ADGRV1: variants seen among roughly 807,000 people sequenced by gnomAD.
ADGRV1 encodes the protein G-protein coupled receptor 98.
Under a neutral mutation model 596.2 loss-of-function variants are expected in ADGRV1, and 359 were observed. The ratio of observed to expected loss-of-function variants is 0.60; its 90% CI spans 0.55 to 0.66. The LOEUF (loss-of-function observed/expected upper bound fraction) is 0.66. Ranked by LOEUF, ADGRV1 falls within the 30% of genes least tolerant of loss-of-function variation. ADGRV1 has a pLI of 0.00. For synonymous variants in ADGRV1, 2,681 were observed against 2,679.2 expected, an observed-to-expected ratio of 1.00 and a Z score of -0.02; for missense variants, 7,274 against 7,575.6, an observed-to-expected ratio of 0.96 and a Z score of 1.48.
intron 83 of ADGRV1, among the ~76,000 whole-genome samples, chr5:90,881,284 G>T (rs1769741918): frequency 6.6e-6 from 1 of 152,140 alleles, no homozygotes; most frequent in Admixed American, 6.6e-5. Context: ...ATTATTTCTG[G>T]CTTAATCAAA....
In ADGRV1 at chr5:90,756,965, T is replaced by C; in HGVS notation, c.11758-14T>C. 1 of 1,562,166 alleles carries C rather than the reference T, an allele frequency of 6.4e-7. No homozygotes were observed. ...CATTTTATCTTGCCTTTCAATTATATTCTTTACTTAAAGGGCGCTGGGGAA... is the reference window on the plus strand; with the variant it reads ...CATTTTATCTTGCCTTTCAATTATACTCTTTACTTAAAGGGCGCTGGGGAA... On this transcript the variant is annotated splice_polypyrimidine_tract_variant and intron_variant, in intron 56 of 89. Coordinates refer to ENST00000405460, the MANE Select transcript of ADGRV1 (RefSeq NM_032119.4).
rs977541956 is a variant in ADGRV1 at position 91,017,071 on chromosome 5, C to T, written c.18152+31549C>T. Among the ~76,000 whole-genome samples the T allele has an allele frequency of 1.1e-4, 17 of 151,900 alleles. 1 individual carries two copies. On this transcript the variant is annotated intron_variant, in intron 85 of 89. Transcript: ENST00000405460. ...GTACCAAGCAGTCCACAAGAATTGACACACATTTCAAACATGACTTACTAC... is the reference window on the plus strand; with the variant it reads ...GTACCAAGCAGTCCACAAGAATTGATACACATTTCAAACATGACTTACTAC...
chr5:91,094,235 G>A (rs1018969227), intron 86 of ADGRV1, among the ~76,000 whole-genome samples: 6 of 151,872 alleles, frequency 4.0e-5, no homozygotes, highest in Admixed American at 3.9e-4. Flanking sequence ...TGAGGCGGGC[G>A]GATCACCGAA....
At chr5:90,933,981 G>A (rs893462421) in intron 83 of ADGRV1, among the ~76,000 whole-genome samples, 12 of 152,130 alleles carry the variant, frequency 7.9e-5, no homozygotes, top group African/African-American at 1.7e-4. Flanking sequence ...GGGGCCTGTC[G>A]CAGGCACAGC....
At position 90,753,715 on chromosome 5, in the gene ADGRV1, A is replaced by G; in HGVS notation, c.11263A>G (p.Thr3755Ala). Residue 3755 changes from threonine (T) to alanine (A), a missense_variant, in exon 54 of 90, where the codon ACT becomes GCT. Thr to Ala is a moderately conservative substitution (Grantham distance 58, BLOSUM62 0). Coordinates refer to ENST00000405460, the MANE Select transcript of ADGRV1 (RefSeq NM_032119.4). Reference sequence around the variant, plus strand: ...GGTTGAGGACTCATACAAAGGTGCTACTATTGATCAGGACAGAAGCAAGTC... The same window carrying G: ...GGTTGAGGACTCATACAAAGGTGCTGCTATTGATCAGGACAGAAGCAAGTC... ...EGVEDSYKGA[T>A]IDQDRSKSVI... The G allele has an allele frequency of 1.2e-6, 2 of 1,613,644 alleles. No homozygotes were observed. The highest frequency in any genetic ancestry group is 1.3e-5 in the African/African-American group (1 of 75,016).
intron 83 of ADGRV1, among the ~76,000 whole-genome samples, chr5:90,897,916 G>A (rs1771484247): frequency 6.6e-6 from 1 of 152,100 alleles, no homozygotes; most frequent in Non-Finnish European, 1.5e-5. Flanking sequence ...AGGTTTAGAG[G>A]GTGTTGTGCC....
intron 2 of ADGRV1, chr5:90,617,236 A>G (rs992475119): frequency 6.6e-6 from 1 of 152,110 alleles, no homozygotes; most frequent in East Asian, 1.9e-4. Flanking sequence ...GCTTTCCTAT[A>G]TAATTCTTTT....
intron 83 of ADGRV1, among the ~76,000 whole-genome samples, chr5:90,942,721 C>A (rs1776260507): frequency 6.6e-6 from 1 of 152,076 alleles, no homozygotes; most frequent in Admixed American, 6.5e-5. Context: ...TCTTATTTTT[C>A]AAGAGAAATT....
At chr5:91,013,052 A>G (rs1457047232) in intron 85 of ADGRV1, among the ~76,000 whole-genome samples, 1 of 152,082 alleles carries the variant, frequency 6.6e-6, no homozygotes, top group Non-Finnish European at 1.5e-5. Context: ...AGAAAAACAC[A>G]TGATCTTGTT....
In ADGRV1 at chr5:90,756,451, C is replaced by CCA. The variant is rs1554105243; in HGVS notation, c.11581-3_11581-2insCA. ...AACACCATCTTTTTCCCCCATCCCC[C>CCA]AGGATGACCTTCCTGAATTGGAGGA... On this transcript the variant is annotated splice_region_variant and splice_polypyrimidine_tract_variant and intron_variant, in intron 55 of 89. Coordinates refer to ENST00000405460, the MANE Select transcript of ADGRV1 (RefSeq NM_032119.4). 8.1e-6 allele frequency: 12 copies of CCA among 1,490,458 alleles called. No homozygotes were observed. In the East Asian group the frequency reaches 2.9e-4, roughly 36 times the overall value. The allele number at this position is 1,490,458 out of a possible 1,614,324, so 92.3% of individuals were successfully genotyped here. A position where few individuals can be genotyped will look rare whatever the true frequency, so the allele number is the denominator to read the frequency against.
chr5:90,829,772 C>A (rs935408979), intron 77 of ADGRV1, among the ~76,000 whole-genome samples: 3 of 152,052 alleles, frequency 2.0e-5, no homozygotes, highest in Non-Finnish European at 4.4e-5. Flanking sequence ...TACCTTTCAG[C>A]CTTATTTTTT....
chr5:90,828,211 G>A (rs1197499705), intron 76 of ADGRV1, among the ~76,000 whole-genome samples: 1 of 152,018 alleles, frequency 6.6e-6, no homozygotes, highest in African/African-American at 2.4e-5. Flanking sequence ...ACTATATACT[G>A]AATTTTGGAA....
At chr5:90,579,895 G>T (rs1452795307) in intron 1 of ADGRV1, among the ~76,000 whole-genome samples, 2 of 151,822 alleles carry the variant, frequency 1.3e-5, no homozygotes, top group East Asian at 3.9e-4. Context: ...TTTCTTTATT[G>T]GTTTAAAGTC....
At chr5:90,784,840 C>A (rs1213387691) in intron 67 of ADGRV1, among the ~76,000 whole-genome samples, 1 of 152,156 alleles carries the variant, frequency 6.6e-6, no homozygotes, top group Non-Finnish European at 1.5e-5. Flanking sequence ...AATGGCCATA[C>A]TGCCTAAGGT....
chr5:91,099,351 T>A (rs373711191), intron 86 of ADGRV1, among the ~76,000 whole-genome samples: 4 of 152,086 alleles, frequency 2.6e-5, no homozygotes, highest in African/African-American at 7.2e-5. Context: ...TCTTTCTTTT[T>A]CCTCCCTTTC....
At chr5:90,717,263 G>A (rs909892266) in intron 43 of ADGRV1, 2 of 151,838 alleles carry the variant, frequency 1.3e-5, no homozygotes, top group African/African-American at 4.8e-5. Context: ...ACAATTTTCT[G>A]TTCCTGCTAC....
intron 85 of ADGRV1, among the ~76,000 whole-genome samples, chr5:91,007,744 A>G (rs954712518): frequency 3.3e-5 from 5 of 152,154 alleles, no homozygotes; most frequent in Non-Finnish European, 5.9e-5. Context: ...GAAGAAATCA[A>G]AGAAACTCCA....
chr5:91,152,734 A>G (rs983563470), intron 88 of ADGRV1, among the ~76,000 whole-genome samples: 10 of 152,280 alleles, frequency 6.6e-5, no homozygotes, highest in Admixed American at 5.2e-4. Context: ...TGGCATGATC[A>G]TAGCCCACTG....
At position 90,757,155 on chromosome 5, in the gene ADGRV1, T is replaced by C. The variant is rs763958010; in HGVS notation, c.11934T>C (p.Asp3978=). The change falls in exon 57 of 90, where the codon GAT becomes GAC. Residue 3978 remains aspartate, a synonymous_variant. Coordinates refer to ENST00000405460, the MANE Select transcript of ADGRV1 (RefSeq NM_032119.4). ...KPSHGILEFA[D]KQVTAMIEIT... The stretch of plus-strand genomic sequence containing the variant: ...CTCATGGGATTCTTGAATTTGCAGA[T>C]AAACAGGTATGCCAGTCATTAACAT... 3 of 1,613,712 alleles carry C rather than the reference T, an allele frequency of 1.9e-6. No individual in the cohort carries two copies. In the Admixed American group the frequency reaches 5.0e-5, roughly 27 times the overall value.
Sources: allele counts gnomAD v4.1 joint callset (sites outside exome capture counted in the v4.1 genomes callset), GRCh38; gene constraint gnomAD v4.1.1; transcripts MANE v1.5; gene names NCBI Gene and HGNC (gene_info 2026-07-23, HGNC 2026-07-21).